The following KIF6 variants were observed in gnomAD, a reference collection of about 807,000 sequenced individuals.
The protein encoded by KIF6 is kinesin family member 6.
In KIF6, 106 loss-of-function variants were observed where a neutral mutation model predicts 112.7. The observed-to-expected ratio is 0.94, with a 90% CI of 0.80 to 1.11. The LOEUF is 1.11. KIF6 is among the 50% of genes least tolerant of loss of function. The pLI, the probability that KIF6 is intolerant of heterozygous loss-of-function variation, is 0.00. For synonymous variants in KIF6, 339 were observed against 339.9 expected (o/e 1.00, Z 0.03); for missense variants, 929 against 964.0 (o/e 0.96, Z 0.48).
intron 15 of KIF6, 57 bp from the exon 16 acceptor site, chr6:39,385,729 T>C: frequency 1.9e-6 from 2 of 1,071,088 alleles, no homozygotes; most frequent in Admixed American, 1.7e-5. Flanking sequence ...GGAGGAAGAC[T>C]GCCTCAGAAG....
intron 13 of KIF6, among the ~76,000 whole-genome samples, chr6:39,494,673 T>C (rs1775671347): frequency 6.6e-6 from 1 of 152,204 alleles, no homozygotes; most frequent in Non-Finnish European, 1.5e-5. Flanking sequence ...ATTGTGATAA[T>C]TTATTGTTCT....
intron 10 of KIF6, among the ~76,000 whole-genome samples, chr6:39,564,567 C>A (rs748742306): frequency 7.9e-5 from 12 of 152,098 alleles, no homozygotes; most frequent in Non-Finnish European, 1.3e-4. Flanking sequence ...GGCAATACAG[C>A]CAAGCTTCTA....
intron 16 of KIF6, among the ~76,000 whole-genome samples, chr6:39,370,302 C>T (rs1162313693): frequency 6.6e-6 from 1 of 152,160 alleles, no homozygotes; most frequent in Non-Finnish European, 1.5e-5. Context: ...TTTCTTGCAC[C>T]TATAAGAGCC....
intron 3 of KIF6, among the ~76,000 whole-genome samples, chr6:39,675,540 A>C (rs1178917545): frequency 6.6e-6 from 1 of 152,100 alleles, no homozygotes; most frequent in Non-Finnish European, 1.5e-5. Context: ...AACTAGCAGA[A>C]CAGGACTCCA....
rs1217380441 is a variant in KIF6 at position 39,337,197 on chromosome 6, TTC to T, written c.2429-651_2429-650del. 5.1e-4 allele frequency among the ~76,000 whole-genome samples: 53 copies of T among 103,746 alleles called. 2 individuals carry two copies. The highest frequency in any genetic ancestry group is 3.2e-3 in the African/African-American group (50 of 15,538). The allele number at this position is 103,746 out of a possible 152,430, so 68.1% of individuals were successfully genotyped here. On this transcript the variant is annotated intron_variant, in intron 22 of 22. Coordinates refer to ENST00000287152, the MANE Select transcript of KIF6 (RefSeq NM_145027.6). The stretch of plus-strand genomic sequence containing the variant: ...CTTCTTTCTTTCTTTCTTTCTTTCT[TTC>T]TTTCTTTCTTTCTTTCTTTCTTTCT...
intron 4 of KIF6, among the ~76,000 whole-genome samples, chr6:39,637,101 A>G (rs1488181942): frequency 6.6e-6 from 1 of 152,104 alleles, no homozygotes; most frequent in Non-Finnish European, 1.5e-5. Context: ...AGAATTCAGT[A>G]TATGAATATA....
intron 5 of KIF6, among the ~76,000 whole-genome samples, chr6:39,626,735 G>A (rs1428097005): frequency 6.6e-6 from 1 of 152,106 alleles, no homozygotes; most frequent in Non-Finnish European, 1.5e-5. Context: ...AGGGATTCAG[G>A]CAAACCTCCG....
rs887299118 is a variant in KIF6, at chr6:39,342,858, C to T, written c.2428+851G>A. On this transcript the variant is annotated intron_variant, in intron 22 of 22. Coordinates refer to ENST00000287152, the MANE Select transcript of KIF6 (RefSeq NM_145027.6). The surrounding 1 kb of genome is among the most constrained non-coding windows in gnomAD (Gnocchi z 4.7). ...AACCTCTTCCTGCCCAAACTGCACA[C>T]GGCTGGTGGAGAAGCTGAGTGCAGG... is the stretch of plus-strand genomic sequence containing the variant. 7.2e-5 allele frequency: 71 copies of T among 985,374 alleles called. 1 individual carries two copies. The African/African-American group carries it at 9.2e-4, about 13-fold the overall frequency. 61.0% of individuals were successfully genotyped at this position (985,374 alleles called of 1,614,324 possible). A position where few individuals can be genotyped will look rare whatever the true frequency, so the allele number is the denominator to read the frequency against.
chr6:39,534,571 C>T (rs1346227965), intron 13 of KIF6, among the ~76,000 whole-genome samples: 1 of 152,050 alleles, frequency 6.6e-6, no homozygotes, highest in Non-Finnish European at 1.5e-5. Context: ...GTGAAAAGAC[C>T]AAACCTACGT....
chr6:39,464,164 G>A (rs1444516830), intron 13 of KIF6, among the ~76,000 whole-genome samples: 1 of 152,142 alleles, frequency 6.6e-6, no homozygotes, highest in Non-Finnish European at 1.5e-5. Flanking sequence ...CGTGCTTGAT[G>A]AGGTGGTCAG....
At chr6:39,724,150 AT>A (rs1449124006) in intron 1 of KIF6, among the ~76,000 whole-genome samples, 1 of 152,212 alleles carries the variant, frequency 6.6e-6, no homozygotes, top group Admixed American at 6.5e-5. Context: ...GTTTTGAAAT[AT>A]TTAAGAAGCA....
chr6:39,367,901 C>T (rs1414468560), intron 16 of KIF6, among the ~76,000 whole-genome samples: 2 of 152,182 alleles, frequency 1.3e-5, no homozygotes, highest in African/African-American at 2.4e-5. Flanking sequence ...AGCACACAGA[C>T]AGCTGGGCCC....
chr6:39,447,794 G>C (rs1001145606), intron 13 of KIF6, among the ~76,000 whole-genome samples: 1 of 151,998 alleles, frequency 6.6e-6, no homozygotes, highest in Admixed American at 6.5e-5. Context: ...TCCTGTTCTC[G>C]CCTTGCTGTA....
intron 6 of KIF6, 39 bp downstream of exon 6, chr6:39,613,150 T>C (rs375164677): frequency 6.7e-7 from 1 of 1,502,004 alleles, no homozygotes; most frequent in Non-Finnish European, 8.9e-7. Flanking sequence ...CTGTATCTTA[T>C]AATGTTGAAG....
At chr6:39,635,805 T>C (rs936257173) in intron 4 of KIF6, among the ~76,000 whole-genome samples, 1 of 152,080 alleles carries the variant, frequency 6.6e-6, no homozygotes, top group African/African-American at 2.4e-5. Context: ...CAATACAAAA[T>C]ATCAAACAAT....
At chr6:39,519,699 G>C (rs56951565) in intron 13 of KIF6, among the ~76,000 whole-genome samples, 48,120 of 149,744 alleles carry the variant, frequency 0.32, 9,946 homozygotes, top group African/African-American at 0.58. Context: ...ATCCCACCCC[G>C]CTCCAAACAA....
At chr6:39,687,386 C>A (rs1407322504) in intron 3 of KIF6, among the ~76,000 whole-genome samples, 4 of 152,124 alleles carry the variant, frequency 2.6e-5, no homozygotes, top group Admixed American at 2.6e-4. Flanking sequence ...TAAATTTGAG[C>A]CTTTGAGAGT....
intron 15 of KIF6, among the ~76,000 whole-genome samples, chr6:39,397,372 A>G (rs1768348881): frequency 6.6e-6 from 1 of 152,132 alleles, no homozygotes; most frequent in African/African-American, 2.4e-5. Context: ...ACTTTATTTT[A>G]TTCCAGAAAA....
At chr6:39,386,918 A>C (rs1042546722) in intron 15 of KIF6, among the ~76,000 whole-genome samples, 6 of 152,182 alleles carry the variant, frequency 3.9e-5, no homozygotes, top group African/African-American at 1.4e-4. Flanking sequence ...CTTGTTTAAG[A>C]TATTTCTTTC....
Sources: gnomAD v4.1 joint callset for allele counts (sites outside exome capture counted in the v4.1 genomes callset) on GRCh38, gnomAD v4.1.1 for gene constraint, Gnocchi (gnomAD v3.1) non-coding constraint, MANE v1.5 for transcripts, NCBI Gene and HGNC (gene_info 2026-07-23, HGNC 2026-07-21) for gene names.